The following EPB41L4B variants were observed in gnomAD, a reference collection of about 807,000 sequenced individuals.
EPB41L4B encodes the protein erythrocyte membrane protein band 4.1 like 4B, also known as band 4.1-like protein 4B.
A neutral mutation model predicts 112.5 loss-of-function variants in EPB41L4B; 30 were observed. The ratio of observed to expected loss-of-function variants is 0.27; its 90% CI spans 0.20 to 0.36. The LOEUF is 0.36. EPB41L4B is among the 10% of genes least tolerant of loss of function. The probability of loss-of-function intolerance (pLI) is 1.00; values close to 1 mark genes in which losing one functional copy is unlikely to be tolerated. For missense variants in EPB41L4B, 1,024 were observed against 1,133.3 expected, an observed-to-expected ratio of 0.90 and a Z score of 1.38; for synonymous variants, 408 against 439.7, an observed-to-expected ratio of 0.93 and a Z score of 0.90.
At chr9:109,273,859 T>C (rs559841353) in intron 2 of EPB41L4B, among the ~76,000 whole-genome samples, 55 of 152,348 alleles carry the variant, frequency 3.6e-4, no homozygotes, top group Middle Eastern at 3.4e-3. Context: ...TACTCTCCTA[T>C]GTCCCCTCCA....
intron 17 of EPB41L4B, among the ~76,000 whole-genome samples, chr9:109,209,534 A>G (rs2118793215): frequency 6.6e-6 from 1 of 151,718 alleles, no homozygotes; most frequent in East Asian, 1.9e-4. Context: ...GGTGGCCCTC[A>G]CCTATAATTC....
At chr9:109,179,016 G>A (rs1164042822) in intron 24 of EPB41L4B, among the ~76,000 whole-genome samples, 3 of 151,744 alleles carry the variant, frequency 2.0e-5, no homozygotes, top group South Asian at 2.1e-4. Flanking sequence ...GTTGAATGAG[G>A]AAATGAATGA....
rs1422025861 is a variant in EPB41L4B, at chr9:109,320,359, C to T, written c.88G>A (p.Gly30Arg). ...CGTGGCCCCCCATCGCGCTCGTCCCCCAGCCCGGCGGCCCCGCGCCCCGCC... is the reference window on the plus strand; with the variant it reads ...CGTGGCCCCCCATCGCGCTCGTCCCTCAGCCCGGCGGCCCCGCGCCCCGCC... ...GAAGRGAAGL[G>R]DERDGGPRGG... is the part of the protein sequence containing the mutation. Residue 30 changes from glycine (G) to arginine (R), a missense_variant, in exon 1 of 26, where the codon GGG becomes AGG. Physicochemically the swap from Gly to Arg is moderately radical, Grantham distance 125 (BLOSUM62 -2). Transcript: ENST00000374566. The T allele has an allele frequency of 2.0e-5, 20 of 984,190 alleles. No homozygotes were observed. The highest frequency in any genetic ancestry group is 9.0e-5 in the South Asian group (2 of 22,138). The allele number at this position is 984,190 out of a possible 1,614,324, so 61.0% of individuals were successfully genotyped here. A position where few individuals can be genotyped will look rare whatever the true frequency, so the allele number is the denominator to read the frequency against.
At position 109,267,654 on chromosome 9, in the gene EPB41L4B, A is replaced by G. The variant is rs140958737; in HGVS notation, c.455-103T>C. On this transcript the variant is annotated intron_variant, in intron 3 of 25. Transcript: ENST00000374566. ...ACGTTAAATCTATAACATTTAGCAC[A>G]ACATCAGGACAGCATAACTGGGCAC... 1.0e-3 allele frequency: 771 copies of G among 773,822 alleles called. 5 individuals carry two copies. The African/African-American group carries it at 0.011, about 12-fold the overall frequency. The allele number at this position is 773,822 out of a possible 1,614,324, so 47.9% of individuals were successfully genotyped here.
intron 4 of EPB41L4B, among the ~76,000 whole-genome samples, chr9:109,265,988 C>T (rs889102233): frequency 7.9e-5 from 12 of 152,322 alleles, no homozygotes; most frequent in Middle Eastern, 3.4e-3. Flanking sequence ...TCAAGGAGAT[C>T]GGGCGTGCTG....
chr9:109,177,893 A>G (rs573390631), intron 24 of EPB41L4B, among the ~76,000 whole-genome samples: 54 of 151,096 alleles, frequency 3.6e-4, no homozygotes, highest in African/African-American at 1.3e-3. Flanking sequence ...ATTTCCTCAC[A>G]GGTTCTCTCT....
At chr9:109,188,263 C>A (rs529036585) in intron 22 of EPB41L4B, among the ~76,000 whole-genome samples, 1 of 152,046 alleles carries the variant, frequency 6.6e-6, no homozygotes, top group Non-Finnish European at 1.5e-5. Flanking sequence ...TAGTGAGTAC[C>A]GAGCAAAGGG....
At chr9:109,234,977 A>G (rs954180206) in intron 15 of EPB41L4B, among the ~76,000 whole-genome samples, 2 of 152,258 alleles carry the variant, frequency 1.3e-5, no homozygotes, top group Admixed American at 1.3e-4. Context: ...GTCTAAGATG[A>G]AATCCCAAAT....
Position 109,316,275 on chromosome 9 carries a change from A to G in EPB41L4B, c.306+3866T>C, listed in dbSNP as rs577665794. 2.0e-5 allele frequency among the ~76,000 whole-genome samples: 3 copies of G among 152,352 alleles called. No homozygotes were observed. The East Asian group carries it at 5.8e-4, about 29-fold the overall frequency. ...AGTGCACCAAATGCAACAATGGCCCATGGGCCGTTCCCTCCAAAGCATGGC... is the reference window on the plus strand; with the variant it reads ...AGTGCACCAAATGCAACAATGGCCCGTGGGCCGTTCCCTCCAAAGCATGGC... On this transcript the variant is annotated intron_variant, in intron 1 of 25. Transcript: ENST00000374566.
chr9:109,219,770 C>T (rs1427177505), intron 15 of EPB41L4B, among the ~76,000 whole-genome samples: 9 of 152,024 alleles, frequency 5.9e-5, no homozygotes, highest in Non-Finnish European at 1.2e-4. Context: ...CCATTTTTTT[C>T]TTATTTTAAA....
At chr9:109,250,349 G>A (rs147422064) in intron 13 of EPB41L4B, among the ~76,000 whole-genome samples, 116 of 152,226 alleles carry the variant, frequency 7.6e-4, no homozygotes, top group African/African-American at 2.5e-3. Flanking sequence ...GCTCCACCCC[G>A]TGCCACGTTT....
intron 5 of EPB41L4B, among the ~76,000 whole-genome samples, chr9:109,264,420 C>T (rs572924536): frequency 5.6e-4 from 85 of 152,238 alleles, no homozygotes; most frequent in African/African-American, 1.7e-3. Context: ...CTTATCTTTA[C>T]GGTAAATTAA....
At chr9:109,244,331 G>A (rs1211734155) in intron 14 of EPB41L4B, among the ~76,000 whole-genome samples, 3 of 151,670 alleles carry the variant, frequency 2.0e-5, no homozygotes, top group Non-Finnish European at 4.4e-5. Context: ...AAGGGATGAG[G>A]GGAGGGAGGG....
chr9:109,241,024 T>C, intron 15 of EPB41L4B: 1 of 985,274 alleles, frequency 1.0e-6, no homozygotes, highest in Non-Finnish European at 1.2e-6. Flanking sequence ...TCTAATAAGT[T>C]ATATACTTTA....
At chr9:109,314,030 C>T (rs1480356085) in intron 1 of EPB41L4B, among the ~76,000 whole-genome samples, 1 of 152,194 alleles carries the variant, frequency 6.6e-6, no homozygotes, top group Non-Finnish European at 1.5e-5. Flanking sequence ...AAGGAGAGCA[C>T]ACACACGAAC....
At chr9:109,243,983 C>T (rs529035986) in intron 14 of EPB41L4B, among the ~76,000 whole-genome samples, 15 of 152,300 alleles carry the variant, frequency 9.8e-5, no homozygotes, top group Non-Finnish European at 1.9e-4. Context: ...TCCGGAGTAC[C>T]AGAGACAAGC....
At chr9:109,246,283 C>A (rs1187024894) in intron 14 of EPB41L4B, among the ~76,000 whole-genome samples, 4 of 151,868 alleles carry the variant, frequency 2.6e-5, no homozygotes, top group Non-Finnish European at 5.9e-5. Context: ...ACACCTATAA[C>A]CCCAGATACT....
intron 1 of EPB41L4B, chr9:109,300,882 C>A (rs1236015753): frequency 2.6e-5 from 4 of 152,174 alleles, no homozygotes; most frequent in Non-Finnish European, 4.4e-5. Context: ...GTTACCACTA[C>A]TAACATCCAT....
Position 109,217,130 on chromosome 9 carries a change from G to C in EPB41L4B, c.1425C>G (p.Ser475=), listed in dbSNP as rs1404117570. The change falls in exon 16 of 26, where the codon TCC becomes TCG. Residue 475 remains serine, a synonymous_variant. Coordinates refer to ENST00000374566, the MANE Select transcript of EPB41L4B (RefSeq NM_019114.5). The part of the protein sequence containing the change: ...HSPNVSYPLP[S]PVLSSSDRLP... The stretch of plus-strand genomic sequence containing the variant: ...ACCGGTCCGAGCTGCTAAGCACTGG[G>C]GAAGGGAGCGGGTAGCTGTGGAGGG... 3 of 1,613,782 alleles carry C rather than the reference G, an allele frequency of 1.9e-6. No homozygotes were observed. Among genetic ancestry groups the C allele is most frequent in the African/African-American group, 2.7e-5 (2 of 74,922 alleles).
Sources: gnomAD v4.1 joint callset for allele counts (sites outside exome capture counted in the v4.1 genomes callset) on GRCh38, gnomAD v4.1.1 for gene constraint, MANE v1.5 for transcripts, NCBI Gene and HGNC (gene_info 2026-07-23, HGNC 2026-07-21) for gene names.